CCDC40: variants seen among roughly 807,000 people sequenced by gnomAD.
CCDC40 encodes the protein coiled-coil domain-containing protein 40.
CCDC40 carries 104 observed loss-of-function variants against 124.5 expected under a neutral mutation model. The ratio of observed to expected loss-of-function variants is 0.84; its 90% CI spans 0.71 to 0.98. CCDC40 has a LOEUF of 0.98. Ranked by LOEUF, CCDC40 falls within the 50% of genes least tolerant of loss-of-function variation. The pLI, the probability that CCDC40 is intolerant of heterozygous loss-of-function variation, is 0.00. For synonymous variants in CCDC40, 580 were observed against 602.9 expected (o/e 0.96, Z 0.56); for missense variants, 1,463 against 1,503.9 (o/e 0.97, Z 0.45).
At chr17:80,050,924 G>C (rs994295617) in intron 7 of CCDC40, among the ~76,000 whole-genome samples, 3 of 152,204 alleles carry the variant, frequency 2.0e-5, no homozygotes, top group Admixed American at 1.3e-4. Context: ...GCGAATGCGA[G>C]GGTGAGGCCG....
At chr17:80,088,215 A>G in intron 16 of CCDC40, 113 bp downstream of exon 16, 1 of 752,958 alleles carries the variant, frequency 1.3e-6, no homozygotes, top group Non-Finnish European at 2.4e-6. Context: ...CCCATATCCC[A>G]GTGCTTTGGT....
chr17:80,097,175 A>C, intron 18 of CCDC40, 70 bp from the exon 19 acceptor site: 1 of 1,560,502 alleles, frequency 6.4e-7, no homozygotes, highest in Non-Finnish European at 8.8e-7. Context: ...AGGTCCTCCC[A>C]GCCTGACTCT....
At chr17:80,055,843 C>G (rs912028753) in intron 7 of CCDC40, among the ~76,000 whole-genome samples, 2 of 150,406 alleles carry the variant, frequency 1.3e-5, no homozygotes, top group African/African-American at 4.9e-5. Flanking sequence ...TTCGAGACAG[C>G]GAGACGCATC....
At position 80,086,385 on chromosome 17, in the gene CCDC40, C is replaced by T. The variant is rs1354374214; in HGVS notation, c.2449+169C>T. 4 of 640,342 alleles carry T rather than the reference C, an allele frequency of 6.2e-6. No individual in the cohort carries two copies. Among genetic ancestry groups the T allele is most frequent in the African/African-American group, 3.6e-5 (2 of 55,174 alleles). 39.7% of individuals were successfully genotyped at this position (640,342 alleles called of 1,614,324 possible). Reference sequence around the variant, plus strand: ...TGTATTTTGTAAATGTGAACCACTGCCTGCCCAGCTGCCCAGTTCGCAGTC... The same window carrying T: ...TGTATTTTGTAAATGTGAACCACTGTCTGCCCAGCTGCCCAGTTCGCAGTC... On this transcript the variant is annotated intron_variant, in intron 14 of 19. Coordinates refer to ENST00000397545, the MANE Select transcript of CCDC40 (RefSeq NM_017950.4). This position sits in a 1 kb window ranked among gnomAD's most constrained non-coding sequence, Gnocchi z 5.5.
intron 17 of CCDC40, among the ~76,000 whole-genome samples, chr17:80,092,888 G>A (rs557844999): frequency 6.6e-6 from 1 of 152,314 alleles, no homozygotes; most frequent in South Asian, 2.1e-4. Context: ...CCTGCTTTTA[G>A]GTTTTACATT....
Position 80,050,270 on chromosome 17 carries a change from G to A in CCDC40, c.1146G>A (p.Glu382=). The A allele has an allele frequency of 6.4e-7, 1 of 1,564,912 alleles. No homozygotes were observed. The highest frequency in any genetic ancestry group is 2.4e-5 in the East Asian group (1 of 41,808). The change falls in exon 7 of 20, where the codon GAG becomes GAA. Residue 382 remains glutamate (E), a synonymous_variant. Coordinates refer to ENST00000397545, the MANE Select transcript of CCDC40 (RefSeq NM_017950.4). ...CCAAGACCTGCGCAGCCGCCAACGA[G>A]GAGCGCAAAAAGTGTAAGGCAACCC... The part of the protein sequence containing the change: ...LYTKTCAAAN[E]ERKKLAALQT...
At chr17:80,098,381 C>G (rs1257840510) in intron 19 of CCDC40, among the ~76,000 whole-genome samples, 4 of 152,242 alleles carry the variant, frequency 2.6e-5, no homozygotes, top group Non-Finnish European at 4.4e-5. Context: ...CCCGCGCGCT[C>G]TAAGATTGCA....
rs1348606621 is a variant in CCDC40, at chr17:80,087,767, C to G, written c.2610C>G (p.Arg870=). The G allele has an allele frequency of 1.1e-5, 17 of 1,614,092 alleles. No homozygotes were observed. The highest frequency in any genetic ancestry group is 1.4e-5 in the Non-Finnish European group (17 of 1,179,968). Reference sequence around the variant, plus strand: ...GGGTGACAGAGAATGAGTTCGTGCGCTCGCTGAAGGTCCGGCCGTGTCCAC... The same window carrying G: ...GGGTGACAGAGAATGAGTTCGTGCGGTCGCTGAAGGTCCGGCCGTGTCCAC... ...NNRVTENEFV[R]SLKASERETI... The change falls in exon 15 of 20, where the codon CGC becomes CGG. Residue 870 remains arginine (R), a synonymous_variant. Transcript: ENST00000397545. This position sits in a 1 kb window ranked among gnomAD's most constrained non-coding sequence, Gnocchi z 4.5.
In CCDC40 at chr17:80,039,864, GCA is replaced by G; in HGVS notation, c.149_150del (p.Thr50ArgfsTer4). ...CAGAAAGGTGAAGAAGCTGTCGGTAGCACAGAGCATCCTGAGGAAGTCACAAC... is the reference window on the plus strand; with the variant it reads ...CAGAAAGGTGAAGAAGCTGTCGGTAGCAGAGCATCCTGAGGAAGTCACAAC... On this transcript the variant is annotated frameshift_variant, in exon 3 of 20. Coordinates refer to ENST00000397545, the MANE Select transcript of CCDC40 (RefSeq NM_017950.4). LOFTEE classifies it high-confidence loss of function. The G allele has an allele frequency of 1.2e-6, 2 of 1,613,982 alleles. No homozygotes were observed. The highest frequency in any genetic ancestry group is 1.6e-4 in the Middle Eastern group (1 of 6,062).
chr17:80,056,004 A>T (rs867849592), intron 7 of CCDC40, among the ~76,000 whole-genome samples: 2,190 of 8,154 alleles, frequency 0.27, 366 homozygotes, highest in Non-Finnish European at 0.41. Flanking sequence ...ATATATATAT[A>T]TATATATATA....
chr17:80,056,006 A>ATTTTTTTTTTT (rs1323101032), intron 7 of CCDC40, among the ~76,000 whole-genome samples: 1 of 9,140 alleles, frequency 1.1e-4, no homozygotes, highest in Non-Finnish European at 1.9e-4. Context: ...ATATATATAT[A>ATTTTTTTTTTT]TATATATATA....
intron 4 of CCDC40, chr17:80,048,316 C>G: frequency 2.0e-6 from 1 of 511,108 alleles, no homozygotes; most frequent in South Asian, 2.0e-5. Flanking sequence ...TCTGTTCACT[C>G]TTTATGTGTA....
intron 17 of CCDC40, chr17:80,090,756 C>T (rs1472129684): frequency 2.2e-6 from 3 of 1,373,142 alleles, no homozygotes; most frequent in South Asian, 1.6e-5. Context: ...AGGTTCAGGG[C>T]CTTAAGGATA....
intron 7 of CCDC40, among the ~76,000 whole-genome samples, chr17:80,057,554 C>T (rs2037780539): frequency 6.6e-6 from 1 of 152,100 alleles, no homozygotes; most frequent in Non-Finnish European, 1.5e-5. Context: ...CGTGTAGCTC[C>T]CTCAATAAAT....
intron 10 of CCDC40, among the ~76,000 whole-genome samples, chr17:80,072,087 C>T (rs550478210): frequency 6.6e-6 from 1 of 151,992 alleles, no homozygotes; most frequent in Non-Finnish European, 1.5e-5. Flanking sequence ...GATCTGCCCC[C>T]ACTTGGCCTC....
In CCDC40 at chr17:80,086,229, G is replaced by A. The variant is rs370873328; in HGVS notation, c.2449+13G>A. 3.9e-5 allele frequency: 62 copies of A among 1,576,410 alleles called. No homozygotes were observed. The East Asian group carries it at 4.4e-4, about 11-fold the overall frequency. On this transcript the variant is annotated intron_variant, in intron 14 of 19. Transcript: ENST00000397545. The surrounding 1 kb of genome is among the most constrained non-coding windows in gnomAD (Gnocchi z 5.5). ...CTACGAGTAGAAAGTAAGAGCCGCC[G>A]TGCCCGGCCCTGCAGTGATGCTGAG...
intron 19 of CCDC40, 122 bp from the exon 20 acceptor site, chr17:80,099,405 C>A: frequency 8.5e-7 from 1 of 1,170,998 alleles, no homozygotes; most frequent in Non-Finnish European, 1.3e-6. Context: ...TCACGCCGTC[C>A]CTTTTCAGGC....
intron 3 of CCDC40, among the ~76,000 whole-genome samples, chr17:80,040,876 CAT>C (rs1273401970): frequency 6.6e-6 from 1 of 152,134 alleles, no homozygotes; most frequent in Non-Finnish European, 1.5e-5. Flanking sequence ...CCATCAGTCA[CAT>C]GTGGCTACAG....
chr17:80,096,516 C>T, intron 18 of CCDC40, among the ~76,000 whole-genome samples: 1 of 152,082 alleles, frequency 6.6e-6, no homozygotes, highest in East Asian at 1.9e-4. Flanking sequence ...TAGCCCGGCC[C>T]CTGACCACTC....
Sources: allele counts gnomAD v4.1 joint callset (sites outside exome capture counted in the v4.1 genomes callset), GRCh38; gene constraint gnomAD v4.1.1; non-coding constraint Gnocchi (gnomAD v3.1); transcripts MANE v1.5; gene names NCBI Gene and HGNC (gene_info 2026-07-23, HGNC 2026-07-21).